The following CRACD variants were observed in gnomAD, a reference collection of about 807,000 sequenced individuals.
The protein encoded by CRACD is capping protein-inhibiting regulator of actin dynamics.
CRACD carries 56 observed loss-of-function variants against 106.8 expected under a neutral mutation model. That is an observed-to-expected ratio of 0.52 (90% CI 0.42 to 0.66). The LOEUF (loss-of-function observed/expected upper bound fraction) is 0.66, where lower values mean the gene tolerates loss of function less well. Among genes scored for constraint, CRACD ranks in the 30% least tolerant of loss-of-function variants. CRACD has a pLI of 0.00. For missense variants in CRACD, 1,730 were observed against 1,623.2 expected (o/e 1.07, Z -1.13); for synonymous variants, 754 against 670.8 (o/e 1.12, Z -1.92).
Position 56,310,798 on chromosome 4 carries a change from C to CCT in CRACD, c.354+64_354+65insCT, listed in dbSNP as rs1553919758. On this transcript the variant is annotated intron_variant, in intron 6 of 10. Transcript: ENST00000682029. ...TACTTAACTTTCATCTTCCCCCCCC[C>CCT]TTTTTTTTTTTTGCGACCTGCTGCC... is the stretch of plus-strand genomic sequence containing the variant. The CCT allele has an allele frequency of 3.6e-3, 2,874 of 801,250 alleles. 6 individuals are homozygous for CCT. The highest frequency in any genetic ancestry group is 9.8e-3 in the Admixed American group (373 of 38,196). 49.6% of individuals were successfully genotyped at this position (801,250 alleles called of 1,614,324 possible).
intron 5 of CRACD, among the ~76,000 whole-genome samples, chr4:56,310,215 T>A (rs1431291760): frequency 2.6e-5 from 4 of 152,168 alleles, no homozygotes; most frequent in Middle Eastern, 3.4e-3. Context: ...GCTCTTTGCA[T>A]GTGGAGTTGG....
intron 1 of CRACD, among the ~76,000 whole-genome samples, chr4:56,073,687 T>C (rs1732741060): frequency 6.6e-6 from 1 of 152,244 alleles, no homozygotes; most frequent in East Asian, 1.9e-4. Context: ...TCTTTTACTG[T>C]ACAGAAGCTC....
chr4:56,222,781 G>GAAAAAC (rs368424732), intron 2 of CRACD, among the ~76,000 whole-genome samples: 26 of 151,612 alleles, frequency 1.7e-4, no homozygotes, highest in South Asian at 4.2e-4. Context: ...CATCTCTACT[G>GAAAAAC]AAAAACAAAA....
intron 1 of CRACD, among the ~76,000 whole-genome samples, chr4:56,074,720 A>G (rs1397562721): frequency 6.6e-6 from 1 of 152,072 alleles, no homozygotes; most frequent in South Asian, 2.1e-4. Flanking sequence ...CTTCAATACT[A>G]TGTTGAATAG....
chr4:56,229,081 G>A (rs1218630352), intron 2 of CRACD, among the ~76,000 whole-genome samples: 1 of 152,202 alleles, frequency 6.6e-6, no homozygotes, highest in East Asian at 1.9e-4. Context: ...TGGTGATGCA[G>A]GAAGATTATG....
At chr4:56,065,284 C>T (rs376955784) in intron 1 of CRACD, among the ~76,000 whole-genome samples, 1 of 152,054 alleles carries the variant, frequency 6.6e-6, no homozygotes, top group East Asian at 1.9e-4. Flanking sequence ...GATGGGGTTT[C>T]ACCATATTGG....
chr4:56,220,283 A>G (rs1163287780), intron 2 of CRACD, among the ~76,000 whole-genome samples: 1 of 152,244 alleles, frequency 6.6e-6, no homozygotes, highest in Non-Finnish European at 1.5e-5. Context: ...CTGGGAGATT[A>G]GCACAGGGAT....
At chr4:56,172,096 T>C (rs1405456080) in intron 1 of CRACD, among the ~76,000 whole-genome samples, 3 of 146,076 alleles carry the variant, frequency 2.1e-5, no homozygotes, top group African/African-American at 7.5e-5. Context: ...TGTCCCAAAG[T>C]TCAGATCATT....
At chr4:56,067,845 G>T (rs1732514797) in intron 1 of CRACD, among the ~76,000 whole-genome samples, 1 of 152,150 alleles carries the variant, frequency 6.6e-6, no homozygotes, top group South Asian at 2.1e-4. Flanking sequence ...CAAAGTGCTG[G>T]GATTACTGGT....
chr4:56,288,844 A>G (rs1264323585), intron 3 of CRACD, among the ~76,000 whole-genome samples: 1 of 152,226 alleles, frequency 6.6e-6, no homozygotes, highest in African/African-American at 2.4e-5. Context: ...TTGCAGTGCT[A>G]CTTACAATAG....
chr4:56,318,136 C>T (rs1745805044), intron 8 of CRACD, among the ~76,000 whole-genome samples: 1 of 152,040 alleles, frequency 6.6e-6, no homozygotes, highest in South Asian at 2.1e-4. Flanking sequence ...CAGAAGACCC[C>T]ATATATCCTT....
Position 56,314,330 on chromosome 4 carries a change from G to C in CRACD, c.828G>C (p.Gly276=), listed in dbSNP as rs756151128. The C allele has an allele frequency of 3.2e-6, 5 of 1,550,884 alleles. No individual in the cohort carries two copies. The South Asian group carries it at 5.9e-5, about 18-fold the overall frequency. Residue 276 remains glycine (G), a synonymous_variant, in exon 8 of 11, where the codon GGG becomes GGC. Coordinates refer to ENST00000682029, the MANE Select transcript of CRACD (RefSeq NM_001393381.1). This position sits in a 1 kb window ranked among gnomAD's most constrained non-coding sequence, Gnocchi z 4.4. ...RQELLEEEGE[G]QEPPLEAERA... ...AGCTCTTGGAGGAGGAGGGCGAGGGGCAGGAGCCGCCTCTAGAGGCGGAAA... is the reference window on the plus strand; with the variant it reads ...AGCTCTTGGAGGAGGAGGGCGAGGGCCAGGAGCCGCCTCTAGAGGCGGAAA...
chr4:56,068,422 A>G (rs1346215067), intron 1 of CRACD, among the ~76,000 whole-genome samples: 3 of 152,360 alleles, frequency 2.0e-5, no homozygotes, highest in East Asian at 1.9e-4. Flanking sequence ...GAGGGCCATC[A>G]GAAGGACTTT....
At chr4:56,283,269 G>A (rs1051021668) in intron 3 of CRACD, among the ~76,000 whole-genome samples, 7 of 152,146 alleles carry the variant, frequency 4.6e-5, no homozygotes, top group African/African-American at 1.7e-4. Context: ...AGTTGTGCAA[G>A]TGAGTCATCC....
At chr4:56,231,905 C>G (rs1232152418) in intron 2 of CRACD, among the ~76,000 whole-genome samples, 1 of 152,138 alleles carries the variant, frequency 6.6e-6, no homozygotes, top group Non-Finnish European at 1.5e-5. Flanking sequence ...TAAAATGGAC[C>G]TTCCAATGAT....
chr4:56,171,260 A>G (rs1736350722), intron 1 of CRACD, among the ~76,000 whole-genome samples: 1 of 151,874 alleles, frequency 6.6e-6, no homozygotes, highest in African/African-American at 2.4e-5. Context: ...AACTTAAAGT[A>G]TAATAAAAAA....
At position 56,324,179 on chromosome 4, in the gene CRACD, G is replaced by A; in HGVS notation, c.3454G>A (p.Glu1152Lys). ...CCTGCACAAGTCCACTGCTCTGCCA[G>A]AAGAGAAGAGGCCCGAGACTGCAGT... is the stretch of plus-strand genomic sequence containing the variant. Reference protein sequence around the residue: ...GSLHKSTALPEEKRPETAVSR... With the variant: ...GSLHKSTALPKEKRPETAVSR... Residue 1152 changes from glutamate (E) to lysine (K), a missense_variant, in exon 10 of 11, where the codon GAA (glutamate) becomes AAA (lysine). Coordinates refer to ENST00000682029, the MANE Select transcript of CRACD (RefSeq NM_001393381.1). 6.2e-7 allele frequency: 1 copy of A among 1,614,220 alleles called. No homozygotes were observed. The highest frequency in any genetic ancestry group is 8.5e-7 in the Non-Finnish European group (1 of 1,180,004).
At chr4:56,081,482 T>C (rs1733025848) in intron 1 of CRACD, among the ~76,000 whole-genome samples, 1 of 152,208 alleles carries the variant, frequency 6.6e-6, no homozygotes, top group Admixed American at 6.5e-5. Context: ...AAAGCAGCTA[T>C]GAGCTATATA....
chr4:56,172,706 G>C (rs62308650), intron 1 of CRACD, among the ~76,000 whole-genome samples: 18,969 of 150,978 alleles, frequency 0.13, 2,048 homozygotes, highest in East Asian at 0.54. Context: ...TCACTGCAAC[G>C]TCCACCTCCT....
Sources: allele counts gnomAD v4.1 joint callset (sites outside exome capture counted in the v4.1 genomes callset), GRCh38; gene constraint gnomAD v4.1.1; non-coding constraint Gnocchi (gnomAD v3.1); transcripts MANE v1.5; gene names NCBI Gene and HGNC (gene_info 2026-07-23, HGNC 2026-07-21).